Variants in EEF2K observed in about 807,000 individuals in gnomAD.
EEF2K encodes eukaryotic elongation factor 2 kinase.
EEF2K carries 70 observed loss-of-function variants against 93.8 expected under a neutral mutation model. The observed-to-expected ratio is 0.75, with a 90% CI of 0.62 to 0.91. The LOEUF (loss-of-function observed/expected upper bound fraction) is 0.91, where lower values mean the gene tolerates loss of function less well. EEF2K is among the 40% of genes least tolerant of loss of function. EEF2K has a pLI of 0.00. For synonymous variants in EEF2K, 376 were observed against 380.8 expected (o/e 0.99, Z 0.15); for missense variants, 935 against 972.9 (o/e 0.96, Z 0.52).
intron 13 of EEF2K, 113 bp from the exon 14 acceptor site, chr16:22,266,277 G>T: frequency 6.9e-7 from 1 of 1,454,084 alleles, no homozygotes; most frequent in South Asian, 1.4e-5. Flanking sequence ...CATCGTGAGG[G>T]TTCACTCCCC....
intron 7 of EEF2K, 33 bp downstream of exon 7, chr16:22,256,930 C>T (rs552685658): frequency 6.2e-7 from 1 of 1,611,104 alleles, no homozygotes; most frequent in East Asian, 2.2e-5. Flanking sequence ...CCTCTGCCCA[C>T]CACAGCCCTT....
chr16:22,269,497 G>T lies in EEF2K; in HGVS notation c.1764+2621G>T, dbSNP rs2047556106. Among the ~76,000 whole-genome samples the T allele has an allele frequency of 2.0e-5, 3 of 151,720 alleles. No individual in the cohort carries two copies. The South Asian group carries it at 6.2e-4, about 32-fold the overall frequency. Reference sequence around the variant, plus strand: ...GCTCACTGCAACCTCCACCTCCCAGGTTCAAGCAATTCTCCTGCCTCAGTC... The same window carrying T: ...GCTCACTGCAACCTCCACCTCCCAGTTTCAAGCAATTCTCCTGCCTCAGTC... On this transcript the variant is annotated intron_variant, in intron 15 of 17. Coordinates refer to ENST00000263026, the MANE Select transcript of EEF2K (RefSeq NM_013302.5).
At chr16:22,251,002 T>C in intron 5 of EEF2K, 149 bp from the exon 6 acceptor site, 2 of 937,060 alleles carry the variant, frequency 2.1e-6, no homozygotes, top group Non-Finnish European at 3.3e-6. Context: ...TGCAGAGGGG[T>C]GGGGACGTCC....
intron 1 of EEF2K, among the ~76,000 whole-genome samples, chr16:22,209,803 G>T (rs889013823): frequency 1.3e-5 from 2 of 152,098 alleles, no homozygotes; most frequent in Non-Finnish European, 2.9e-5. Flanking sequence ...CTTTTTTGTT[G>T]TTGTTTTGAG....
intron 6 of EEF2K, 30 bp from the exon 7 acceptor site, chr16:22,256,718 C>T: frequency 6.2e-7 from 1 of 1,608,046 alleles, no homozygotes; most frequent in Non-Finnish European, 8.5e-7. Flanking sequence ...CCTGGGCCCT[C>T]CCGCCTGAGC....
chr16:22,285,347 A>G lies in EEF2K; in HGVS notation c.*1351A>G, dbSNP rs914280994. The G allele has an allele frequency of 6.6e-6, 1 of 152,194 alleles. No homozygotes were observed. The highest frequency in any genetic ancestry group is 2.4e-5 in the African/African-American group (1 of 41,454). The allele number at this position is 152,194 out of a possible 1,614,324, so 9.4% of individuals were successfully genotyped here. A position where few individuals can be genotyped will look rare whatever the true frequency, so the allele number is the denominator to read the frequency against. ...TTGTAATTTACAGCAGGACGCTTTCAGCAGCAGTCTCTTGGGATTTTATCT... is the reference window on the plus strand; with the variant it reads ...TTGTAATTTACAGCAGGACGCTTTCGGCAGCAGTCTCTTGGGATTTTATCT... On this transcript the variant is annotated 3_prime_UTR_variant, in exon 18 of 18. Transcript: ENST00000263026.
intron 6 of EEF2K, among the ~76,000 whole-genome samples, chr16:22,252,319 T>G (rs1377266313): frequency 6.6e-6 from 1 of 152,214 alleles, no homozygotes; most frequent in Non-Finnish European, 1.5e-5. Flanking sequence ...TTCCTCCATC[T>G]CTGGCCTGGG....
intron 4 of EEF2K, 123 bp downstream of exon 4, chr16:22,248,938 C>A: frequency 2.2e-4 from 150 of 695,554 alleles, no homozygotes; most frequent in Non-Finnish European, 2.8e-4. Context: ...TCGGGGGATT[C>A]TTTGTTATTG....
chr16:22,250,544 G>T, intron 4 of EEF2K, 110 bp from the exon 5 acceptor site: 1 of 1,341,974 alleles, frequency 7.5e-7, no homozygotes, highest in East Asian at 2.3e-5. Flanking sequence ...ATTGAGATGA[G>T]GCCCAGGGCA....
intron 9 of EEF2K, among the ~76,000 whole-genome samples, chr16:22,258,080 T>C (rs2047424722): frequency 1.3e-5 from 2 of 152,212 alleles, no homozygotes; most frequent in Admixed American, 1.3e-4. Flanking sequence ...TTGTGTGATG[T>C]ATTGACAAAT....
intron 15 of EEF2K, among the ~76,000 whole-genome samples, chr16:22,267,688 T>C (rs1413570141): frequency 6.6e-6 from 1 of 151,594 alleles, no homozygotes; most frequent in Non-Finnish European, 1.5e-5. Flanking sequence ...GCAGCTCAGG[T>C]AGAAGGAACA....
In EEF2K at chr16:22,256,862, T is replaced by C; in HGVS notation, c.733T>C (p.Phe245Leu). 1 of 1,614,168 alleles carries C rather than the reference T, an allele frequency of 6.2e-7. No individual in the cohort carries two copies. Among genetic ancestry groups the C allele is most frequent in the Non-Finnish European group, 8.5e-7 (1 of 1,180,036 alleles). The part of the protein sequence containing the change: ...KYIKYNSNSG[F>L]VRDDNIRLTP... ...CATCAAGTACAACTCCAACTCTGGC[T>C]TTGTCCGCGATGACAACATCCGCCT... is the stretch of plus-strand genomic sequence containing the variant. The change falls in exon 7 of 18, where the codon TTT (phenylalanine) becomes CTT (leucine). Residue 245 changes from phenylalanine to leucine, a missense_variant. By Grantham distance (22) the Phe-to-Leu change is conservative. Transcript: ENST00000263026.
intron 11 of EEF2K, 105 bp downstream of exon 11, chr16:22,260,634 C>G (rs1048993588): frequency 8.0e-6 from 11 of 1,372,836 alleles, no homozygotes; most frequent in Non-Finnish European, 1.1e-5. Context: ...CAGCCTAGCC[C>G]AGGCACTGCC....
At chr16:22,260,375 A>G in intron 10 of EEF2K, 87 bp from the exon 11 acceptor site, 1 of 1,290,300 alleles carries the variant, frequency 7.8e-7, no homozygotes, top group Non-Finnish European at 1.1e-6. Context: ...GCTTGGTGGC[A>G]GGTATGGACC....
chr16:22,260,248 G>A (rs2047448767), intron 10 of EEF2K, among the ~76,000 whole-genome samples: 1 of 152,124 alleles, frequency 6.6e-6, no homozygotes, highest in Non-Finnish European at 1.5e-5. Context: ...CCAGAATCAT[G>A]TAGCTGGCAA....
At chr16:22,222,831 C>T (rs188630105) in intron 1 of EEF2K, among the ~76,000 whole-genome samples, 11 of 151,858 alleles carry the variant, frequency 7.2e-5, no homozygotes, top group East Asian at 3.9e-4. Flanking sequence ...TACAGTGAGC[C>T]GAGATTGTGC....
At chr16:22,258,802 G>A in intron 10 of EEF2K, 107 bp downstream of exon 10, 10 of 1,453,970 alleles carry the variant, frequency 6.9e-6, no homozygotes, top group Non-Finnish European at 8.5e-6. Flanking sequence ...TAATCGAAAA[G>A]GTTCATGGCC....
chr16:22,251,128 C>T, intron 5 of EEF2K, 23 bp from the exon 6 acceptor site: 1 of 1,605,216 alleles, frequency 6.2e-7, no homozygotes, highest in Non-Finnish European at 8.5e-7. Flanking sequence ...CCCAGGTAGG[C>T]CCCCTGTTGC....
At chr16:22,241,656 A>C (rs796951145) in intron 2 of EEF2K, among the ~76,000 whole-genome samples, 181 of 151,592 alleles carry the variant, frequency 1.2e-3, no homozygotes, top group African/African-American at 4.1e-3. Flanking sequence ...AAAAAAAAAA[A>C]AAAAAACATA....
Sources: gnomAD v4.1 joint callset for allele counts (sites outside exome capture counted in the v4.1 genomes callset) on GRCh38, gnomAD v4.1.1 for gene constraint, MANE v1.5 for transcripts, NCBI Gene and HGNC (gene_info 2026-07-23, HGNC 2026-07-21) for gene names.